Variants in CRIPTO observed in about 807,000 individuals in gnomAD.
The protein encoded by CRIPTO is cripto, EGF-CFC family member.
chr3:46,577,716 T>C, the CRIPTO span: 4 of 560,038 alleles, frequency 7.1e-6, no homozygotes, highest in Non-Finnish European at 1.3e-5. Context: ...GGTTTGTTGT[T>C]GAAGAAGGAG....
the CRIPTO span, chr3:46,579,925 C>A: frequency 1.2e-6 from 2 of 1,614,156 alleles, no homozygotes; most frequent in South Asian, 1.1e-5. Flanking sequence ...AGACCCAAGG[C>A]TATCGCCTTA....
chr3:46,578,117 CT>C, the CRIPTO span: 1 of 1,157,696 alleles, frequency 8.6e-7, no homozygotes, highest in East Asian at 2.3e-5. Flanking sequence ...CTTAAAAGAG[CT>C]GCCAACCGCA....
At chr3:46,579,319 T>C in the CRIPTO span, 3 of 1,613,994 alleles carry the variant, frequency 1.9e-6, no homozygotes, top group African/African-American at 2.7e-5. Flanking sequence ...GAGCCTGCAA[T>C]TCGGCCTCGG....
chr3:46,578,414 T>C, the CRIPTO span, among the ~76,000 whole-genome samples: 2 of 149,156 alleles, frequency 1.3e-5, no homozygotes, highest in Non-Finnish European at 3.0e-5. Context: ...ACCTTTTAAG[T>C]GATTGGTTAA....
chr3:46,581,841 A>G, the CRIPTO span: 1 of 192,388 alleles, frequency 5.2e-6, no homozygotes, highest in Non-Finnish European at 1.1e-5. Context: ...AATTCTACCA[A>G]GGTCTTCTTA....
At chr3:46,581,427 T>C in the CRIPTO span, 1 of 660,144 alleles carries the variant, frequency 1.5e-6, no homozygotes, top group South Asian at 1.7e-5. Flanking sequence ...TTCTTACTTC[T>C]TTGCCCTGCC....
At chr3:46,576,206 A>G in the CRIPTO span, among the ~76,000 whole-genome samples, 1 of 152,198 alleles carries the variant, frequency 6.6e-6, no homozygotes. Flanking sequence ...GCGGTAGCTC[A>G]TGCCTGTAAT....
chr3:46,581,157 C>T, the CRIPTO span: 6 of 1,613,994 alleles, frequency 3.7e-6, no homozygotes, highest in East Asian at 2.2e-5. Flanking sequence ...ATGAGCACCT[C>T]GTGGCTTCCA....
At chr3:46,578,622 T>C in the CRIPTO span, among the ~76,000 whole-genome samples, 3 of 152,090 alleles carry the variant, frequency 2.0e-5, no homozygotes, top group African/African-American at 7.2e-5. Flanking sequence ...GGCAGGAGAA[T>C]TGCTTGAACT....
At chr3:46,579,929 C>T in the CRIPTO span, 8 of 1,614,128 alleles carry the variant, frequency 5.0e-6, no homozygotes, top group South Asian at 3.3e-5. Context: ...CCAAGGCTAT[C>T]GCCTTACCTG....
the CRIPTO span, among the ~76,000 whole-genome samples, chr3:46,575,522 G>C: frequency 6.6e-6 from 1 of 152,130 alleles, no homozygotes; most frequent in Non-Finnish European, 1.5e-5. Context: ...CTGGTCCTTA[G>C]AGAAGGGATT....
At chr3:46,575,225 G>C in the CRIPTO span, among the ~76,000 whole-genome samples, 1 of 152,236 alleles carries the variant, frequency 6.6e-6, no homozygotes, top group East Asian at 1.9e-4. Flanking sequence ...AACAATTACT[G>C]TTCTTTCTCT....
the CRIPTO span, chr3:46,582,219 G>A: frequency 3.3e-5 from 5 of 152,066 alleles, no homozygotes; most frequent in East Asian, 5.8e-4. Flanking sequence ...TTTTCCCAAA[G>A]GCATTATAAA....
the CRIPTO span, chr3:46,579,846 C>T: frequency 1.2e-6 from 2 of 1,613,996 alleles, no homozygotes; most frequent in South Asian, 1.1e-5. Flanking sequence ...GCACGATGTG[C>T]GCAAAGAGTA....
At chr3:46,578,076 A>C in the CRIPTO span, 1 of 1,511,660 alleles carries the variant, frequency 6.6e-7, no homozygotes, top group Non-Finnish European at 9.2e-7. Context: ...AATGTTCTAC[A>C]CCTGTCATTT....
chr3:46,578,360 T>C, the CRIPTO span, among the ~76,000 whole-genome samples: 7 of 84,282 alleles, frequency 8.3e-5, no homozygotes, highest in East Asian at 2.3e-3. Context: ...ACTATTAAGA[T>C]AATAGCAAAA....
chr3:46,575,054 C>T, the CRIPTO span, among the ~76,000 whole-genome samples: 1 of 152,198 alleles, frequency 6.6e-6, no homozygotes, highest in Non-Finnish European at 1.5e-5. Context: ...CAATCCTAGG[C>T]CTGACCTTTT....
At chr3:46,579,732 C>G in the CRIPTO span, 1 of 1,612,572 alleles carries the variant, frequency 6.2e-7, no homozygotes, top group East Asian at 2.2e-5. Flanking sequence ...CTGTTCTTAC[C>G]TTTCAGGTAA....
the CRIPTO span, among the ~76,000 whole-genome samples, chr3:46,574,771 T>C: frequency 6.6e-6 from 1 of 152,242 alleles, no homozygotes; most frequent in East Asian, 1.9e-4. Context: ...TTTATTTTCT[T>C]CCTTGAATTT....
Sources: gnomAD v4.1 joint callset for allele counts (sites outside exome capture counted in the v4.1 genomes callset) on GRCh38, gnomAD v4.1.1 for gene constraint, MANE v1.5 for transcripts, NCBI Gene and HGNC (gene_info 2026-07-23, HGNC 2026-07-21) for gene names.